The following CTNNA2 variants were observed in gnomAD, a reference collection of about 807,000 sequenced individuals.
CTNNA2 encodes catenin alpha-2.
Under a neutral mutation model 101.0 loss-of-function variants are expected in CTNNA2, and 42 were observed. The ratio of observed to expected loss-of-function variants is 0.42; its 90% CI spans 0.32 to 0.54. CTNNA2 has a LOEUF of 0.54. Among genes scored for constraint, CTNNA2 ranks in the 20% least tolerant of loss-of-function variants. The probability of loss-of-function intolerance (pLI) is 0.14; values close to 1 mark genes in which losing one functional copy is unlikely to be tolerated. For synonymous variants in CTNNA2, 450 were observed against 456.4 expected, an observed-to-expected ratio of 0.99 and a Z score of 0.18; for missense variants, 871 against 1,223.1, an observed-to-expected ratio of 0.71 and a Z score of 4.29.
chr2:79,834,362 T>G (rs1679153495), intron 3 of CTNNA2, among the ~76,000 whole-genome samples: 2 of 152,276 alleles, frequency 1.3e-5, no homozygotes, highest in East Asian at 3.9e-4. Flanking sequence ...TTCTCTGAAG[T>G]AGTTGTAACC....
intron 3 of CTNNA2, among the ~76,000 whole-genome samples, chr2:79,787,391 C>G (rs528889924): frequency 6.6e-6 from 1 of 151,984 alleles, no homozygotes; most frequent in Admixed American, 6.6e-5. Context: ...GCAGAAGACA[C>G]AGGGAGGAGT....
At chr2:79,236,317 T>TA (rs1674557513) in intron 2 of CTNNA2, among the ~76,000 whole-genome samples, 1 of 152,184 alleles carries the variant, frequency 6.6e-6, no homozygotes, top group African/African-American at 2.4e-5. Context: ...TAATGTTTTT[T>TA]AGAGACAGGT....
intron 7 of CTNNA2, among the ~76,000 whole-genome samples, chr2:80,026,187 C>A (rs1694914194): frequency 6.6e-6 from 1 of 152,128 alleles, no homozygotes; most frequent in Non-Finnish European, 1.5e-5. Flanking sequence ...AAAGCAAGTG[C>A]AAAGACTTCA....
At chr2:79,508,113 C>A (rs1407030699), upstream of CTNNA2, among the ~76,000 whole-genome samples, 1 of 152,128 alleles carries the variant, frequency 6.6e-6, no homozygotes, top group Non-Finnish European at 1.5e-5. Flanking sequence ...TTCCTCTGGT[C>A]ACAGTCATCT....
At position 80,305,207 on chromosome 2, in the gene CTNNA2, G is replaced by A. The variant is rs1263324356; in HGVS notation, c.1057-88004G>A. On this transcript the variant is annotated intron_variant, in intron 7 of 18. Transcript: ENST00000402739. ...GTTTTTTCCCCCTCTTGCGGGTACTGGAATTCTGCAGTCAGCCAGCCCTTT... is the reference window on the plus strand; with the variant it reads ...GTTTTTTCCCCCTCTTGCGGGTACTAGAATTCTGCAGTCAGCCAGCCCTTT... 18 of 985,370 alleles carry A rather than the reference G, an allele frequency of 1.8e-5. No individual in the cohort carries two copies. In the East Asian group the frequency reaches 2.0e-3, roughly 112 times the overall value. The allele number at this position is 985,370 out of a possible 1,614,324, so 61.0% of individuals were successfully genotyped here.
intron 7 of CTNNA2, among the ~76,000 whole-genome samples, chr2:80,137,779 C>T (rs1277295009): frequency 6.6e-6 from 1 of 151,486 alleles, no homozygotes; most frequent in Non-Finnish European, 1.5e-5. Flanking sequence ...TAAACTAGGG[C>T]ATTTCTATTG....
chr2:79,267,470 A>T (rs1675001233), intron 2 of CTNNA2, among the ~76,000 whole-genome samples: 1 of 152,094 alleles, frequency 6.6e-6, no homozygotes, highest in Non-Finnish European at 1.5e-5. Context: ...AGGCCTCATG[A>T]CCTAATCACC....
intron 1 of CTNNA2, among the ~76,000 whole-genome samples, chr2:79,572,608 C>T (rs1675525981): frequency 6.6e-6 from 1 of 152,132 alleles, no homozygotes; most frequent in Non-Finnish European, 1.5e-5. Context: ...AAAAATTAGC[C>T]ATGCGTGGTG....
intron 3 of CTNNA2, among the ~76,000 whole-genome samples, chr2:79,322,453 A>G (rs1278314932): frequency 6.6e-6 from 1 of 152,232 alleles, no homozygotes; most frequent in South Asian, 2.1e-4. Context: ...ACTTTCTCAC[A>G]TCAGTTACTT....
chr2:79,811,068 G>C (rs1029375644), intron 3 of CTNNA2, among the ~76,000 whole-genome samples: 10 of 150,834 alleles, frequency 6.6e-5, no homozygotes, highest in Admixed American at 4.6e-4. Flanking sequence ...GGGTCAAATG[G>C]TATTTCTAGT....
chr2:79,401,026 G>T (rs919861339), intron 4 of CTNNA2, among the ~76,000 whole-genome samples: 1 of 151,746 alleles, frequency 6.6e-6, no homozygotes, highest in Non-Finnish European at 1.5e-5. Context: ...AAAAATAATA[G>T]AGAAATTAAG....
intron 1 of CTNNA2, among the ~76,000 whole-genome samples, chr2:79,628,078 G>A (rs979172995): frequency 6.6e-5 from 10 of 152,152 alleles, no homozygotes; most frequent in Non-Finnish European, 1.3e-4. Flanking sequence ...TCTTGAGAAA[G>A]TGTTGTGGAA....
chr2:80,410,194 C>T (rs1015265180), intron 8 of CTNNA2, among the ~76,000 whole-genome samples: 5 of 152,224 alleles, frequency 3.3e-5, no homozygotes, highest in African/African-American at 1.2e-4. Context: ...CCTCATACCC[C>T]ACCCAATAGG....
At chr2:79,592,616 AAC>A (rs1676936897) in intron 1 of CTNNA2, among the ~76,000 whole-genome samples, 1 of 152,184 alleles carries the variant, frequency 6.6e-6, no homozygotes, top group African/African-American at 2.4e-5. Context: ...ACCCCACACA[AAC>A]TCTTGCCTTT....
chr2:80,578,965 T>C (rs986198995), intron 13 of CTNNA2: 1 of 152,178 alleles, frequency 6.6e-6, no homozygotes, highest in African/African-American at 2.4e-5. Context: ...ATGAATTTAG[T>C]TAATTTTTAT....
intron 2 of CTNNA2, among the ~76,000 whole-genome samples, chr2:79,708,410 A>G (rs1158052156): frequency 6.6e-6 from 1 of 151,640 alleles, no homozygotes. Context: ...TTTTGTTTTT[A>G]CTTTACTTGA....
At chr2:79,682,398 G>A (rs549649289) in intron 2 of CTNNA2, among the ~76,000 whole-genome samples, 3 of 93,660 alleles carry the variant, frequency 3.2e-5, no homozygotes, top group African/African-American at 4.2e-5. Context: ...GTGACAGAGC[G>A]AAACTCCATC....
chr2:80,631,012 C>G (rs1672229678), intron 18 of CTNNA2, among the ~76,000 whole-genome samples: 1 of 152,058 alleles, frequency 6.6e-6, no homozygotes, highest in African/African-American at 2.4e-5. Context: ...GATATACCTT[C>G]GGTATAATTG....
At chr2:80,190,862 A>T (rs1458133636) in intron 7 of CTNNA2, among the ~76,000 whole-genome samples, 2 of 152,192 alleles carry the variant, frequency 1.3e-5, no homozygotes, top group East Asian at 1.9e-4. Context: ...AGCAATGTCC[A>T]TCTCTGAGGC....
Sources: allele counts gnomAD v4.1 joint callset (sites outside exome capture counted in the v4.1 genomes callset), GRCh38; gene constraint gnomAD v4.1.1; transcripts MANE v1.5; gene names NCBI Gene and HGNC (gene_info 2026-07-23, HGNC 2026-07-21).